Variants in DIS3L2 observed in about 807,000 individuals in gnomAD.
DIS3L2 encodes the protein DIS3-like exonuclease 2.
In DIS3L2, 34 loss-of-function variants were observed where a neutral mutation model predicts 97.5. The ratio of observed to expected loss-of-function variants is 0.35; its 90% CI spans 0.27 to 0.46. The LOEUF (loss-of-function observed/expected upper bound fraction) is 0.46, where lower values mean the gene tolerates loss of function less well. DIS3L2 is among the 20% of genes least tolerant of loss of function. DIS3L2 has a pLI of 1.00. For missense variants in DIS3L2, 1,038 were observed against 1,146.0 expected, an observed-to-expected ratio of 0.91 and a Z score of 1.36; for synonymous variants, 435 against 445.2, an observed-to-expected ratio of 0.98 and a Z score of 0.29.
chr2:232,336,167 T>C, intron 20 of DIS3L2: 2 of 1,535,110 alleles, frequency 1.3e-6, no homozygotes, highest in African/African-American at 1.4e-5. Flanking sequence ...TGATGAAAGC[T>C]ATGAGTTTAC....
chr2:232,029,915 C>A, intron 4 of DIS3L2, 64 bp from the exon 5 acceptor site: 1 of 1,154,030 alleles, frequency 8.7e-7, no homozygotes, highest in Non-Finnish European at 1.2e-6. Context: ...TGAAAGCAGG[C>A]AATCTGTTTT....
chr2:232,038,162 C>A (rs1334733627), intron 5 of DIS3L2, among the ~76,000 whole-genome samples: 1 of 152,156 alleles, frequency 6.6e-6, no homozygotes, highest in Non-Finnish European at 1.5e-5. Flanking sequence ...TGATTTAGGT[C>A]ACTTTGTTTT....
At chr2:232,038,226 G>C (rs1238183151) in intron 5 of DIS3L2, among the ~76,000 whole-genome samples, 1 of 152,158 alleles carries the variant, frequency 6.6e-6, no homozygotes, top group Non-Finnish European at 1.5e-5. Context: ...AAGTGTATTA[G>C]GGCCAGGTCA....
chr2:232,188,741 TA>T (rs1471626758), intron 9 of DIS3L2, among the ~76,000 whole-genome samples: 1 of 152,128 alleles, frequency 6.6e-6, no homozygotes, highest in Non-Finnish European at 1.5e-5. Context: ...TCATCAGAAT[TA>T]AAAACTTTCT....
In DIS3L2 at chr2:232,192,218, T is replaced by A. The variant is rs931460683; in HGVS notation, c.1125-18108T>A. 5.9e-5 allele frequency among the ~76,000 whole-genome samples: 9 copies of A among 152,364 alleles called. No homozygotes were observed. In the South Asian group the frequency reaches 6.2e-4, roughly 11 times the overall value. The stretch of plus-strand genomic sequence containing the variant: ...TTATGTTATACCTTTATATACATAC[T>A]TATCATCTCCTTTAATCATTGAAAT... On this transcript the variant is annotated intron_variant, in intron 9 of 20. Transcript: ENST00000325385.
intron 1 of DIS3L2, among the ~76,000 whole-genome samples, chr2:231,979,497 T>C (rs1389358453): frequency 6.6e-6 from 1 of 152,180 alleles, no homozygotes; most frequent in Non-Finnish European, 1.5e-5. Flanking sequence ...GCTCAAGCAG[T>C]CCACCTGCCT....
At chr2:232,282,721 G>A (rs954835813) in intron 13 of DIS3L2, among the ~76,000 whole-genome samples, 1 of 152,114 alleles carries the variant, frequency 6.6e-6, no homozygotes, top group African/African-American at 2.4e-5. Flanking sequence ...CCTCTCTTTC[G>A]CACTGGCCCC....
chr2:232,068,635 T>C lies in DIS3L2; in HGVS notation c.367-18852T>C, dbSNP rs578212528. 2.6e-5 allele frequency among the ~76,000 whole-genome samples: 4 copies of C among 151,938 alleles called. No homozygotes were observed. In the East Asian group the frequency reaches 7.8e-4, roughly 29 times the overall value. On this transcript the variant is annotated intron_variant, in intron 5 of 20. Transcript: ENST00000325385. ...TTATATGAGGGTGGTAATTAAAGTG[T>C]TGGCTGATCTTTCAGATAATTGTGG...
intron 14 of DIS3L2, among the ~76,000 whole-genome samples, chr2:232,302,289 T>C (rs1694877312): frequency 6.6e-6 from 1 of 151,580 alleles, no homozygotes; most frequent in Non-Finnish European, 1.5e-5. Context: ...CTAAAGTAAA[T>C]GATGAGTTAA....
chr2:232,322,937 C>T (rs1193764180), intron 14 of DIS3L2, among the ~76,000 whole-genome samples: 1 of 152,212 alleles, frequency 6.6e-6, no homozygotes, highest in Non-Finnish European at 1.5e-5. Context: ...TCCAAGTCTA[C>T]GAAGCCAGCT....
At chr2:231,964,054 A>G (rs192131030) in intron 1 of DIS3L2, among the ~76,000 whole-genome samples, 1 of 152,320 alleles carries the variant, frequency 6.6e-6, no homozygotes, top group Non-Finnish European at 1.5e-5. Context: ...CCCATTATGT[A>G]TATCATGAAA....
At position 232,149,525 on chromosome 2, in the gene DIS3L2, A is replaced by G. The variant is rs1406599604; in HGVS notation, c.950+12806A>G. On this transcript the variant is annotated intron_variant, in intron 8 of 20. Transcript: ENST00000325385. ...ATCCATGTCCCTACAAAGGATATGA[A>G]CTCATCATTTTTATGGCTGCATAGT... Among the ~76,000 whole-genome samples the G allele has an allele frequency of 1.4e-4, 21 of 148,736 alleles. 2 individuals carry two copies. The highest frequency in any genetic ancestry group is 5.4e-4 in the African/African-American group (21 of 39,222).
chr2:232,272,832 C>G (rs1166064978), intron 13 of DIS3L2, among the ~76,000 whole-genome samples: 2 of 152,192 alleles, frequency 1.3e-5, no homozygotes, highest in Non-Finnish European at 2.9e-5. Flanking sequence ...AGTGCAGGGT[C>G]TGCTGGTGAG....
At chr2:232,007,526 A>G (rs1024601875) in intron 1 of DIS3L2, among the ~76,000 whole-genome samples, 3 of 152,166 alleles carry the variant, frequency 2.0e-5, no homozygotes, top group Non-Finnish European at 4.4e-5. Context: ...TTGTAGAGAC[A>G]GGGTCTTGCT....
At chr2:232,055,821 A>G (rs2106269315) in intron 5 of DIS3L2, among the ~76,000 whole-genome samples, 1 of 152,312 alleles carries the variant, frequency 6.6e-6, no homozygotes, top group Middle Eastern at 3.4e-3. Flanking sequence ...AGACTCATAT[A>G]TGGTCACTTG....
Position 232,130,677 on chromosome 2 carries a change from C to T in DIS3L2, c.660C>T (p.Asp220=), listed in dbSNP as rs1698190484. ...TKDETTCISQ[D]TRALSEKSLQ... is the part of the protein sequence containing the mutation. ...ATGAGACCACCTGCATTTCACAAGA[C>T]ACAAGAGCTTTATCGGAGAAATCCC... Residue 220 remains aspartate, a synonymous_variant, in exon 7 of 21, where the codon GAC becomes GAT. Coordinates refer to ENST00000325385, the MANE Select transcript of DIS3L2 (RefSeq NM_152383.5). The T allele has an allele frequency of 6.2e-7, 1 of 1,613,918 alleles. No individual in the cohort carries two copies. Among genetic ancestry groups the T allele is most frequent in the African/African-American group, 1.3e-5 (1 of 75,028 alleles).
At chr2:232,343,666 G>A (rs1238836469) in exon 14 of DIS3L2, 4 of 1,377,726 alleles carry the variant, frequency 2.9e-6, no homozygotes, top group Non-Finnish European at 4.0e-6. Flanking sequence ...CTTCTAAAAG[G>A]TCCAGTAGAA....
intron 11 of DIS3L2, among the ~76,000 whole-genome samples, chr2:232,241,482 A>G (rs1693079960): frequency 6.6e-6 from 1 of 152,268 alleles, no homozygotes; most frequent in Non-Finnish European, 1.5e-5. Flanking sequence ...GACAGTATAC[A>G]GTGTAACAGG....
chr2:232,102,615 G>A (rs887879711), intron 6 of DIS3L2, among the ~76,000 whole-genome samples: 1 of 152,220 alleles, frequency 6.6e-6, no homozygotes, highest in South Asian at 2.1e-4. Context: ...CAAATCAAGA[G>A]AGAATGGGTG....
Sources: gnomAD v4.1 joint callset for allele counts (sites outside exome capture counted in the v4.1 genomes callset) on GRCh38, gnomAD v4.1.1 for gene constraint, MANE v1.5 for transcripts, NCBI Gene and HGNC (gene_info 2026-07-23, HGNC 2026-07-21) for gene names.